The following ULK4 variants were observed in gnomAD, a reference collection of about 807,000 sequenced individuals.
The protein encoded by ULK4 is unc-51 like kinase 4, also known as inactive serine/threonine-protein kinase ULK4.
Under a neutral mutation model 160.6 loss-of-function variants are expected in ULK4, and 133 were observed. The ratio of observed to expected loss-of-function variants is 0.83; its 90% CI spans 0.72 to 0.96. The LOEUF is 0.96. Among genes scored for constraint, ULK4 ranks in the 40% least tolerant of loss-of-function variants. The pLI is 0.00. For missense variants in ULK4, 1,580 were observed against 1,499.5 expected (o/e 1.05, Z -0.89); for synonymous variants, 534 against 539.8 (o/e 0.99, Z 0.15).
At chr3:41,783,059 A>G (rs1423159021) in intron 21 of ULK4, among the ~76,000 whole-genome samples, 1 of 151,982 alleles carries the variant, frequency 6.6e-6, no homozygotes. Context: ...ATAGCATGAC[A>G]GCAGAGAAGA....
chr3:41,699,744 T>C (rs1011864433), intron 27 of ULK4, among the ~76,000 whole-genome samples: 1 of 152,236 alleles, frequency 6.6e-6, no homozygotes, highest in African/African-American at 2.4e-5. Context: ...CCTTGGGGTG[T>C]TGGATCTTCA....
intron 22 of ULK4, among the ~76,000 whole-genome samples, chr3:41,745,131 A>G (rs1167797382): frequency 1.3e-5 from 2 of 151,552 alleles, no homozygotes; most frequent in African/African-American, 4.9e-5. Flanking sequence ...TTTCAAATCA[A>G]TAATCTGTTT....
chr3:41,841,947 A>G (rs866612822), intron 17 of ULK4, among the ~76,000 whole-genome samples: 2 of 152,076 alleles, frequency 1.3e-5, no homozygotes, highest in South Asian at 4.1e-4. Context: ...CAGCATGCTC[A>G]TTAAGAGTCA....
chr3:41,804,068 T>G, intron 19 of ULK4, among the ~76,000 whole-genome samples: 1 of 151,982 alleles, frequency 6.6e-6, no homozygotes, highest in Non-Finnish European at 1.5e-5. Flanking sequence ...CACACTGACT[T>G]CCACAATGGT....
At chr3:41,493,966 C>T (rs1350679985) in intron 32 of ULK4, among the ~76,000 whole-genome samples, 1 of 149,198 alleles carries the variant, frequency 6.7e-6, no homozygotes, top group Non-Finnish European at 1.5e-5. Flanking sequence ...GAGTCCAGGA[C>T]CAGATGGATT....
chr3:41,539,285 G>A (rs538936398), intron 32 of ULK4, among the ~76,000 whole-genome samples: 1 of 152,196 alleles, frequency 6.6e-6, no homozygotes, highest in Admixed American at 6.5e-5. Flanking sequence ...ATACACAAAT[G>A]AATGGACATG....
At chr3:41,873,436 C>T (rs2683695) in intron 17 of ULK4, among the ~76,000 whole-genome samples, 48,106 of 151,872 alleles carry the variant, frequency 0.32, 11,241 homozygotes, top group African/African-American at 0.67. Context: ...AGGATTTTAG[C>T]TGCCGCCATT....
rs555369311 is a variant in ULK4, at chr3:41,911,594, C to T, written c.962G>A (p.Arg321Lys). 1 of 1,613,904 alleles carries T rather than the reference C, an allele frequency of 6.2e-7. No individual in the cohort carries two copies. The highest frequency in any genetic ancestry group is 1.1e-5 in the South Asian group (1 of 91,088). ...SKELLQNSQS[R>K]QAKGHKSGQP... is the part of the protein sequence containing the mutation. ...ACCACTCTTGTGCCCTTTTGCTTGT[C>T]TACTCTGAGAGTTCTGCAAAAGCTC... Residue 321 changes from arginine to lysine, a missense_variant, in exon 10 of 37, where the codon AGA becomes AAA. Coordinates refer to ENST00000301831, the MANE Select transcript of ULK4 (RefSeq NM_017886.4).
intron 35 of ULK4, among the ~76,000 whole-genome samples, chr3:41,315,305 A>T (rs1016700421): frequency 6.6e-6 from 1 of 152,144 alleles, no homozygotes; most frequent in Non-Finnish European, 1.5e-5. Context: ...TTTTCCTTGA[A>T]GTCACAGACT....
chr3:41,892,962 G>A (rs1698019530), intron 16 of ULK4, among the ~76,000 whole-genome samples: 1 of 152,190 alleles, frequency 6.6e-6, no homozygotes, highest in Admixed American at 6.5e-5. Context: ...CTTAGCTGCA[G>A]CACCCAATTG....
intron 20 of ULK4, among the ~76,000 whole-genome samples, chr3:41,796,813 T>G (rs2125600094): frequency 6.6e-6 from 1 of 152,200 alleles, no homozygotes; most frequent in South Asian, 2.1e-4. Context: ...CAGATCTTCA[T>G]TTCTAAAAAC....
chr3:41,922,305 C>T (rs893074600), intron 5 of ULK4, among the ~76,000 whole-genome samples: 17 of 152,236 alleles, frequency 1.1e-4, no homozygotes, highest in African/African-American at 3.9e-4. Flanking sequence ...CTGGACAGCA[C>T]AGCAAAACCC....
intron 35 of ULK4, among the ~76,000 whole-genome samples, chr3:41,310,086 C>T (rs1349933576): frequency 6.6e-6 from 1 of 152,136 alleles, no homozygotes; most frequent in East Asian, 1.9e-4. Flanking sequence ...GTGAAGGCTC[C>T]TCAACCTTTT....
At chr3:41,559,120 T>C (rs1006605741) in intron 32 of ULK4, among the ~76,000 whole-genome samples, 2 of 150,308 alleles carry the variant, frequency 1.3e-5, no homozygotes, top group African/African-American at 4.9e-5. Context: ...AGTGAGAATA[T>C]GCAGTGTTTG....
intron 32 of ULK4, among the ~76,000 whole-genome samples, chr3:41,530,029 A>G (rs1477454072): frequency 2.0e-5 from 3 of 152,196 alleles, no homozygotes; most frequent in African/African-American, 7.2e-5. Context: ...AGATGAAAAT[A>G]TTCTGGAATT....
chr3:41,524,139 GTGAC>G (rs891117475), intron 32 of ULK4, among the ~76,000 whole-genome samples: 76 of 152,280 alleles, frequency 5.0e-4, no homozygotes, highest in African/African-American at 1.8e-3. Context: ...GGATTGGTGA[GTGAC>G]TGCTATGAGC....
chr3:41,839,514 G>C (rs1184281117), intron 17 of ULK4, among the ~76,000 whole-genome samples: 1 of 150,020 alleles, frequency 6.7e-6, no homozygotes, highest in Non-Finnish European at 1.5e-5. Flanking sequence ...AAACTATATA[G>C]AAAATGAGCA....
rs889050996 is a variant in ULK4 at position 41,398,394 on chromosome 3, T to C, written c.3493-130A>G. The C allele has an allele frequency of 2.4e-4, 213 of 905,394 alleles. 1 individual carries two copies. In the Middle Eastern group the frequency reaches 2.8e-3, roughly 12 times the overall value. 56.1% of individuals were successfully genotyped at this position (905,394 alleles called of 1,614,324 possible). On this transcript the variant is annotated intron_variant, in intron 34 of 36. Transcript: ENST00000301831. ...TCTGCTGAATACTTTTTTACTTTTT[T>C]TTTTTTTGAGACAGGGTCCCACTCT...
chr3:41,344,506 C>T (rs2080755836), intron 35 of ULK4, among the ~76,000 whole-genome samples: 1 of 152,040 alleles, frequency 6.6e-6, no homozygotes, highest in Non-Finnish European at 1.5e-5. Flanking sequence ...AATCCCAGCA[C>T]TTTGGAAGGC....
Sources: allele counts gnomAD v4.1 joint callset (sites outside exome capture counted in the v4.1 genomes callset), GRCh38; gene constraint gnomAD v4.1.1; transcripts MANE v1.5; gene names NCBI Gene and HGNC (gene_info 2026-07-23, HGNC 2026-07-21).